The following AUTS2 variants were observed in gnomAD, a reference collection of about 807,000 sequenced individuals.
AUTS2 encodes the protein autism susceptibility gene 2 protein.
A neutral mutation model predicts 112.4 loss-of-function variants in AUTS2; 17 were observed. The observed-to-expected ratio is 0.15, with a 90% CI of 0.10 to 0.23. The LOEUF is 0.23. Among genes scored for constraint, AUTS2 ranks in the 10% least tolerant of loss-of-function variants. The pLI is 1.00. For synonymous variants in AUTS2, 751 were observed against 702.7 expected (o/e 1.07, Z -1.09); for missense variants, 1,510 against 1,701.6 (o/e 0.89, Z 1.98).
chr7:70,003,671 A>G (rs1799359106), intron 2 of AUTS2, among the ~76,000 whole-genome samples: 1 of 127,786 alleles, frequency 7.8e-6, no homozygotes, highest in East Asian at 2.3e-4. Context: ...TATATAATAT[A>G]TATGAATGTG....
Position 69,756,525 on chromosome 7 carries a change from C to G in AUTS2, c.310-142761C>G, listed in dbSNP as rs139899783. On this transcript the variant is annotated intron_variant, in intron 1 of 18. Coordinates refer to ENST00000342771, the MANE Select transcript of AUTS2 (RefSeq NM_015570.4). ...AAAGCTCTTTGTGTATTTGAAGCCT[C>G]TAATGAAATCAGCCTTGTTCTCCAG... 1.2e-3 allele frequency among the ~76,000 whole-genome samples: 187 copies of G among 152,026 alleles called. 1 individual carries two copies. In the East Asian group the frequency reaches 0.012, roughly 10 times the overall value.
At chr7:69,970,940 A>G (rs1355671354) in intron 2 of AUTS2, among the ~76,000 whole-genome samples, 2 of 152,176 alleles carry the variant, frequency 1.3e-5, no homozygotes, top group African/African-American at 4.8e-5. Flanking sequence ...TGGGAGGCCA[A>G]GGCGGGAGAA....
chr7:69,812,969 A>G (rs1182304209), intron 1 of AUTS2, among the ~76,000 whole-genome samples: 1 of 152,132 alleles, frequency 6.6e-6, no homozygotes, highest in African/African-American at 2.4e-5. Flanking sequence ...TTTAAAATGT[A>G]CTTTAGATCA....
At chr7:70,473,060 A>G (rs1797452731) in intron 5 of AUTS2, among the ~76,000 whole-genome samples, 1 of 152,208 alleles carries the variant, frequency 6.6e-6, no homozygotes, top group African/African-American at 2.4e-5. Context: ...GCAGTTAGAC[A>G]ACCTAGTTAT....
At chr7:70,751,297 G>A (rs1788828694) in intron 6 of AUTS2, among the ~76,000 whole-genome samples, 1 of 152,194 alleles carries the variant, frequency 6.6e-6, no homozygotes, top group Non-Finnish European at 1.5e-5. Context: ...CCCCATCTGT[G>A]AGCCTCGCGG....
rs115443687 is a variant in AUTS2 at position 69,971,542 on chromosome 7, A to C, written c.522+72044A>C. Among the ~76,000 whole-genome samples the C allele has an allele frequency of 8.8e-3, 1,339 of 152,306 alleles. 22 individuals carry two copies. The highest frequency in any genetic ancestry group is 0.031 in the African/African-American group (1,275 of 41,568). On this transcript the variant is annotated intron_variant, in intron 2 of 18. Coordinates refer to ENST00000342771, the MANE Select transcript of AUTS2 (RefSeq NM_015570.4). ...AAGGATATTGACATCAGTACAGTGA[A>C]AATACAGAACAACCACATCACCAAA...
chr7:70,247,017 A>T (rs1457684327), intron 4 of AUTS2, among the ~76,000 whole-genome samples: 1 of 152,044 alleles, frequency 6.6e-6, no homozygotes, highest in African/African-American at 2.4e-5. Flanking sequence ...CGTTCTTCGT[A>T]TATACCCAAA....
At chr7:70,635,931 G>A (rs1041915836) in intron 5 of AUTS2, among the ~76,000 whole-genome samples, 1 of 152,232 alleles carries the variant, frequency 6.6e-6, no homozygotes, top group Non-Finnish European at 1.5e-5. Context: ...CCAAGAGGCA[G>A]AGAGGTACTG....
chr7:69,909,162 C>G (rs1170061612), intron 2 of AUTS2, among the ~76,000 whole-genome samples: 3 of 152,194 alleles, frequency 2.0e-5, no homozygotes, highest in South Asian at 4.1e-4. Flanking sequence ...ATAATTGGAT[C>G]ATATTTTTGT....
chr7:70,170,175 T>A (rs1446677468), intron 4 of AUTS2, among the ~76,000 whole-genome samples: 2 of 151,506 alleles, frequency 1.3e-5, no homozygotes, highest in Admixed American at 1.3e-4. Flanking sequence ...TTTTTTTTTT[T>A]TTGAGACAGG....
intron 1 of AUTS2, among the ~76,000 whole-genome samples, chr7:69,828,694 AT>A (rs1791365294): frequency 1.3e-5 from 2 of 152,338 alleles, no homozygotes; most frequent in South Asian, 4.1e-4. Context: ...TAACATAGAC[AT>A]TAACATAAAT....
intron 4 of AUTS2, among the ~76,000 whole-genome samples, chr7:70,139,649 G>C (rs1806751682): frequency 6.6e-6 from 1 of 152,144 alleles, no homozygotes; most frequent in Admixed American, 6.5e-5. Flanking sequence ...CAAGAAAACT[G>C]ATGCCATCAA....
intron 2 of AUTS2, among the ~76,000 whole-genome samples, chr7:70,117,118 TTTTTTTTTGTTTTTTTTTG>T (rs1562710342): frequency 1.5e-4 from 14 of 90,672 alleles, no homozygotes; most frequent in African/African-American, 6.6e-4. Context: ...TTTTTTTTTG[TTTTTTTTTGTTTTTTTTTG>T]TTTTTTTTTT....
chr7:69,938,071 A>G (rs552834478), intron 2 of AUTS2, among the ~76,000 whole-genome samples: 10 of 152,250 alleles, frequency 6.6e-5, no homozygotes, highest in South Asian at 2.1e-4. Flanking sequence ...CAATAAATAT[A>G]TTTTTCACCA....
chr7:70,283,557 T>C (rs536149577), intron 4 of AUTS2, among the ~76,000 whole-genome samples: 16 of 152,314 alleles, frequency 1.1e-4, no homozygotes, highest in Admixed American at 5.9e-4. Context: ...TGTGTATATA[T>C]GTATGTATAC....
At chr7:70,540,586 G>A (rs908889988) in intron 5 of AUTS2, among the ~76,000 whole-genome samples, 2 of 152,156 alleles carry the variant, frequency 1.3e-5, no homozygotes, top group African/African-American at 4.8e-5. Flanking sequence ...TGAAGATCAC[G>A]TGCTGTGTTT....
chr7:70,232,048 C>T (rs1316855305), intron 4 of AUTS2, among the ~76,000 whole-genome samples: 1 of 152,170 alleles, frequency 6.6e-6, no homozygotes, highest in South Asian at 2.1e-4. Context: ...GCTGAGATTA[C>T]AGGCATGAGC....
intron 1 of AUTS2, among the ~76,000 whole-genome samples, chr7:69,895,896 GT>G (rs1794723707): frequency 6.6e-6 from 1 of 152,214 alleles, no homozygotes; most frequent in African/African-American, 2.4e-5. Flanking sequence ...AGCATCATTT[GT>G]TTATTAATCT....
intron 5 of AUTS2, among the ~76,000 whole-genome samples, chr7:70,564,926 TG>T (rs2129524169): frequency 6.6e-6 from 1 of 152,138 alleles, no homozygotes; most frequent in East Asian, 1.9e-4. Flanking sequence ...GGTGAAACCC[TG>T]TCTCTACTAA....
Sources: allele counts gnomAD v4.1 joint callset (sites outside exome capture counted in the v4.1 genomes callset), GRCh38; gene constraint gnomAD v4.1.1; transcripts MANE v1.5; gene names NCBI Gene and HGNC (gene_info 2026-07-23, HGNC 2026-07-21).